VPS8: variants seen among roughly 807,000 people sequenced by gnomAD.
VPS8 encodes the protein VPS8 subunit of CORVET complex, also known as vacuolar protein sorting-associated protein 8 homolog.
In VPS8, 129 loss-of-function variants were observed where a neutral mutation model predicts 216.4. That is an observed-to-expected ratio of 0.60 (90% CI 0.52 to 0.69). The LOEUF is 0.69. VPS8 is among the 30% of genes least tolerant of loss of function. The pLI is 0.00. For missense variants in VPS8, 1,531 were observed against 1,683.5 expected, an observed-to-expected ratio of 0.91 and a Z score of 1.59; for synonymous variants, 571 against 565.4, an observed-to-expected ratio of 1.01 and a Z score of -0.14.
At chr3:184,930,328 G>T in intron 33 of VPS8, 142 bp from the exon 34 acceptor site, 1 of 521,886 alleles carries the variant, frequency 1.9e-6, no homozygotes, top group Non-Finnish European at 3.4e-6. Flanking sequence ...TTTATTTTTA[G>T]GGACAGAGTT....
At chr3:184,867,215 C>T (rs765442899) in intron 17 of VPS8, among the ~76,000 whole-genome samples, 7 of 152,034 alleles carry the variant, frequency 4.6e-5, no homozygotes, top group Admixed American at 6.6e-5. Flanking sequence ...GCTTCCTTCA[C>T]GTTTATGTTT....
chr3:184,941,000 A>C (rs539930158), intron 36 of VPS8, among the ~76,000 whole-genome samples: 7 of 152,292 alleles, frequency 4.6e-5, no homozygotes, highest in Admixed American at 3.9e-4. Flanking sequence ...TGGGAGTTGG[A>C]ATATTTTGAT....
intron 46 of VPS8, among the ~76,000 whole-genome samples, chr3:185,035,555 A>G (rs1202009569): frequency 2.6e-5 from 4 of 152,212 alleles, no homozygotes; most frequent in Admixed American, 2.0e-4. Flanking sequence ...ATGAAATCCA[A>G]CATCCCTTCA....
intron 23 of VPS8, among the ~76,000 whole-genome samples, chr3:184,898,152 G>A (rs1462686475): frequency 6.6e-6 from 1 of 152,038 alleles, no homozygotes; most frequent in African/African-American, 2.4e-5. Context: ...ACGTCCTTTT[G>A]CTGGGTGTCC....
chr3:184,941,284 C>G (rs973039350), intron 36 of VPS8, among the ~76,000 whole-genome samples: 2 of 49,848 alleles, frequency 4.0e-5, no homozygotes, highest in African/African-American at 1.0e-4. Context: ...TAAATTTAGT[C>G]AAACGAATAT....
chr3:184,830,993 G>T (rs781450723), intron 3 of VPS8, among the ~76,000 whole-genome samples: 2 of 152,192 alleles, frequency 1.3e-5, no homozygotes, highest in Non-Finnish European at 2.9e-5. Context: ...TACTCAAATA[G>T]GAAGTCCATG....
intron 13 of VPS8, 110 bp downstream of exon 13, chr3:184,854,283 A>G: frequency 1.6e-6 from 2 of 1,251,066 alleles, no homozygotes; most frequent in Non-Finnish European, 2.3e-6. Context: ...ACTAGACAGG[A>G]TGAAAGTCAG....
intron 42 of VPS8, among the ~76,000 whole-genome samples, chr3:184,983,374 T>G (rs1750530038): frequency 6.6e-6 from 1 of 152,196 alleles, no homozygotes; most frequent in South Asian, 2.1e-4. Flanking sequence ...ATATACAAGT[T>G]TCCTATTGGT....
chr3:184,867,909 T>C, intron 17 of VPS8, 115 bp from the exon 18 acceptor site: 1 of 1,011,640 alleles, frequency 9.9e-7, no homozygotes. Flanking sequence ...CTAACTGTAG[T>C]ATGAAATGTT....
chr3:184,940,158 T>C (rs770973871), intron 35 of VPS8, 39 bp from the exon 36 acceptor site: 3 of 1,289,236 alleles, frequency 2.3e-6, no homozygotes, highest in Middle Eastern at 2.1e-4. Context: ...AAAATTTGTT[T>C]TAATATTTAA....
intron 1 of VPS8, among the ~76,000 whole-genome samples, chr3:184,823,291 T>C (rs1718009446): frequency 6.6e-6 from 1 of 152,238 alleles, no homozygotes. Context: ...GGCTGGAGGA[T>C]GGCTTGAGCC....
At chr3:184,987,065 GC>G (rs1751207055) in intron 42 of VPS8, among the ~76,000 whole-genome samples, 1 of 151,926 alleles carries the variant, frequency 6.6e-6, no homozygotes, top group African/African-American at 2.4e-5. Flanking sequence ...AGGCCCCTGT[GC>G]TCCACCTATT....
Position 184,832,934 on chromosome 3 carries a change from A to G in VPS8, c.353+115A>G, listed in dbSNP as rs1353168715. 1.1e-5 allele frequency: 14 copies of G among 1,287,418 alleles called. 1 individual carries two copies. The highest frequency in any genetic ancestry group is 1.5e-5 in the African/African-American group (1 of 65,402). The allele number at this position is 1,287,418 out of a possible 1,614,324, so 79.7% of individuals were successfully genotyped here. The stretch of plus-strand genomic sequence containing the variant: ...TCTGTTGAAGCCTTGCATGGGAAGT[A>G]GAAGGGATATAATATCTTGAAAATT... On this transcript the variant is annotated intron_variant, in intron 4 of 47. Transcript: ENST00000625842.
At chr3:185,030,826 A>G (rs1338363841) in intron 46 of VPS8, among the ~76,000 whole-genome samples, 1 of 152,086 alleles carries the variant, frequency 6.6e-6, no homozygotes, top group East Asian at 1.9e-4. Context: ...GCAGTGGCAC[A>G]ATCATAGCTT....
chr3:184,847,188 A>C (rs1053778419), intron 8 of VPS8, among the ~76,000 whole-genome samples: 1 of 152,044 alleles, frequency 6.6e-6, no homozygotes, highest in Non-Finnish European at 1.5e-5. Flanking sequence ...AAAATAGAGT[A>C]TTTTCTATGT....
intron 34 of VPS8, among the ~76,000 whole-genome samples, chr3:184,935,849 G>A (rs538827828): frequency 1.3e-5 from 2 of 151,930 alleles, no homozygotes; most frequent in African/African-American, 2.4e-5. Context: ...TAAAATTCTC[G>A]GCCAGATAAA....
intron 34 of VPS8, among the ~76,000 whole-genome samples, chr3:184,932,195 T>C (rs1362276576): frequency 6.6e-6 from 1 of 152,124 alleles, no homozygotes; most frequent in East Asian, 1.9e-4. Flanking sequence ...AAAGGCATCA[T>C]AATGAAGTTT....
intron 45 of VPS8, among the ~76,000 whole-genome samples, chr3:185,018,862 C>T (rs537874988): frequency 1.1e-4 from 16 of 152,234 alleles, no homozygotes; most frequent in African/African-American, 2.6e-4. Flanking sequence ...AGTGGTCGCT[C>T]GAGGCGCTGC....
At chr3:184,992,985 G>A (rs1376942102) in intron 42 of VPS8, among the ~76,000 whole-genome samples, 1 of 152,050 alleles carries the variant, frequency 6.6e-6, no homozygotes, top group East Asian at 1.9e-4. Context: ...AATGGTGGCT[G>A]GAGTTTGGGA....
Sources: gnomAD v4.1 joint callset for allele counts (sites outside exome capture counted in the v4.1 genomes callset) on GRCh38, gnomAD v4.1.1 for gene constraint, MANE v1.5 for transcripts, NCBI Gene and HGNC (gene_info 2026-07-23, HGNC 2026-07-21) for gene names.